The following CD58 variants were observed in gnomAD, a reference collection of about 807,000 sequenced individuals.
CD58 encodes the protein CD58 molecule.
CD58 carries 14 observed loss-of-function variants against 27.6 expected under a neutral mutation model. That is an observed-to-expected ratio of 0.51 (90% CI 0.34 to 0.79). The LOEUF (loss-of-function observed/expected upper bound fraction) is 0.79, where lower values mean the gene tolerates loss of function less well. Among genes scored for constraint, CD58 ranks in the 30% least tolerant of loss-of-function variants. The probability of loss-of-function intolerance (pLI) is 0.02; values close to 1 mark genes in which losing one functional copy is unlikely to be tolerated. For missense variants in CD58, 268 were observed against 301.7 expected (o/e 0.89, Z 0.83); for synonymous variants, 117 against 103.8 (o/e 1.13, Z -0.77).
chr1:116,548,006 A>G (rs1032667555), intron 1 of CD58, among the ~76,000 whole-genome samples: 4 of 152,200 alleles, frequency 2.6e-5, no homozygotes, highest in African/African-American at 9.7e-5. Flanking sequence ...TGCAGGAGTA[A>G]GGTGGTATTG....
intron 1 of CD58, among the ~76,000 whole-genome samples, chr1:116,556,093 T>C (rs1249888770): frequency 6.6e-6 from 1 of 151,738 alleles, no homozygotes; most frequent in Non-Finnish European, 1.5e-5. Flanking sequence ...CCGTCTCTAC[T>C]AAAAATACAA....
At chr1:116,553,932 C>T (rs1463721710) in intron 1 of CD58, among the ~76,000 whole-genome samples, 1 of 152,042 alleles carries the variant, frequency 6.6e-6, no homozygotes, top group African/African-American at 2.4e-5. Flanking sequence ...AACTCCAAGA[C>T]AAGAGTCAAC....
chr1:116,520,363 TCGACCTCTCAATGTGCTGGGA>T (rs1397582258), intron 4 of CD58, among the ~76,000 whole-genome samples: 1 of 152,072 alleles, frequency 6.6e-6, no homozygotes, highest in Non-Finnish European at 1.5e-5. Flanking sequence ...TGCACACAAC[TCGACCTCTCAATGTGCTGGGA>T]TTACAGGCAT....
chr1:116,561,420 A>AG (rs2101224130), intron 1 of CD58, among the ~76,000 whole-genome samples: 3 of 152,320 alleles, frequency 2.0e-5, no homozygotes, highest in South Asian at 2.1e-4. Context: ...GAGATTATGC[A>AG]AAAGTGTCTA....
At chr1:116,542,465 T>G (rs1190668831) in intron 2 of CD58, among the ~76,000 whole-genome samples, 3 of 152,172 alleles carry the variant, frequency 2.0e-5, no homozygotes, top group Non-Finnish European at 4.4e-5. Context: ...GCAGTGCAGA[T>G]GAAAGCCTAT....
intron 3 of CD58, among the ~76,000 whole-genome samples, chr1:116,535,526 A>G (rs1041151821): frequency 1.3e-5 from 2 of 152,226 alleles, no homozygotes; most frequent in African/African-American, 2.4e-5. Context: ...CTTTGTATCT[A>G]TAATGGGGTT....
chr1:116,527,890 G>C lies in CD58; in HGVS notation c.629-5907C>G, dbSNP rs1168552016. On this transcript the variant is annotated intron_variant, in intron 3 of 5. Transcript: ENST00000369489. The surrounding 1 kb of genome is among the most constrained non-coding windows in gnomAD (Gnocchi z 4.4). ...TGATCCTCCCACCTCAGTCTCCCAA[G>C]TAGCTAGGACTACAGACACATGCCA... 6.6e-6 allele frequency among the ~76,000 whole-genome samples: 1 copy of C among 152,142 alleles called. No individual in the cohort carries two copies. Among genetic ancestry groups the C allele is most frequent in the African/African-American group, 2.4e-5 (1 of 41,426 alleles).
intron 1 of CD58, among the ~76,000 whole-genome samples, chr1:116,549,664 T>C (rs1163260554): frequency 6.6e-6 from 1 of 152,214 alleles, no homozygotes; most frequent in Non-Finnish European, 1.5e-5. Context: ...CATATAAGTA[T>C]TTTTTCAGTC....
intron 3 of CD58, chr1:116,533,153 T>C (rs1393285163): frequency 9.3e-6 from 7 of 754,454 alleles, no homozygotes; most frequent in Admixed American, 1.8e-5. Flanking sequence ...CAGAGGCTAA[T>C]ACGAATTCAG....
intron 1 of CD58, among the ~76,000 whole-genome samples, chr1:116,565,369 G>A (rs1489458312): frequency 1.3e-5 from 2 of 152,164 alleles, no homozygotes; most frequent in Non-Finnish European, 2.9e-5. Context: ...AGGGTCCTGA[G>A]TAGTAGACCT....
chr1:116,518,753 TTA>T, intron 5 of CD58: 1 of 995,404 alleles, frequency 1.0e-6, no homozygotes, highest in African/African-American at 1.7e-5. Flanking sequence ...GTCCTATCTT[TTA>T]TATGTGACTA....
rs1296039047 is a variant in CD58 at position 116,535,607 on chromosome 1, C to T, written c.628+358G>A. Among the ~76,000 whole-genome samples the T allele has an allele frequency of 2.1e-5, 3 of 139,820 alleles. 1 individual carries two copies. Among genetic ancestry groups the T allele is most frequent in the South Asian group, 5.0e-4 (2 of 3,986 alleles). The allele number at this position is 139,820 out of a possible 152,430, so 91.7% of individuals were successfully genotyped here. A position where few individuals can be genotyped will look rare whatever the true frequency, so the allele number is the denominator to read the frequency against. On this transcript the variant is annotated intron_variant, in intron 3 of 5. Coordinates refer to ENST00000369489, the MANE Select transcript of CD58 (RefSeq NM_001779.3). ...CTGTAATCCCAGCACTTTGGGAGGC[C>T]GAGGCGGGCGGATCACGAGGTCAGG...
chr1:116,525,409 C>A (rs1240571277), intron 3 of CD58, among the ~76,000 whole-genome samples: 1 of 152,108 alleles, frequency 6.6e-6, no homozygotes, highest in East Asian at 1.9e-4. Flanking sequence ...TCTGTATGTA[C>A]CACAGTTTAT....
In CD58 at chr1:116,522,051, G is replaced by A. The variant is rs1657278396; in HGVS notation, c.629-68C>T. 1 of 820,582 alleles carries A rather than the reference G, an allele frequency of 1.2e-6. No homozygotes were observed. The highest frequency in any genetic ancestry group is 2.0e-6 in the Non-Finnish European group (1 of 503,502). 50.8% of individuals were successfully genotyped at this position (820,582 alleles called of 1,614,324 possible). A position where few individuals can be genotyped will look rare whatever the true frequency, so the allele number is the denominator to read the frequency against. On this transcript the variant is annotated intron_variant, in intron 3 of 5. Transcript: ENST00000369489. The surrounding 1 kb of genome is among the most constrained non-coding windows in gnomAD (Gnocchi z 4.6). ...TCAAAATGGATCCTCATTATTTGCA[G>A]ATTCCACCTTGCGGTTTGCTTATTT...
At chr1:116,530,800 G>C (rs1216033293) in intron 3 of CD58, among the ~76,000 whole-genome samples, 1 of 152,072 alleles carries the variant, frequency 6.6e-6, no homozygotes, top group Admixed American at 6.5e-5. Context: ...AAAGATCCTA[G>C]ACTGTTACTG....
rs1571088725 is a variant in CD58, at chr1:116,559,510, G to A, written c.70+11393C>T. Among the ~76,000 whole-genome samples, 1 of 152,080 alleles carries A rather than the reference G, an allele frequency of 6.6e-6. No homozygotes were observed. Among genetic ancestry groups the A allele is most frequent in the Non-Finnish European group, 1.5e-5 (1 of 68,018 alleles). ...TTCCTGATCGATTCCACCCTTAGCCGGTCCCAGTTAGTGACTTCTCTTATT... is the reference window on the plus strand; with the variant it reads ...TTCCTGATCGATTCCACCCTTAGCCAGTCCCAGTTAGTGACTTCTCTTATT... On this transcript the variant is annotated intron_variant, in intron 1 of 5. Coordinates refer to ENST00000369489, the MANE Select transcript of CD58 (RefSeq NM_001779.3). This position sits in a 1 kb window ranked among gnomAD's most constrained non-coding sequence, Gnocchi z 4.4.
At position 116,531,610 on chromosome 1, in the gene CD58, C is replaced by T. The variant is rs983716498; in HGVS notation, c.628+4355G>A. Among the ~76,000 whole-genome samples, 2 of 152,194 alleles carry T rather than the reference C, an allele frequency of 1.3e-5. No individual in the cohort carries two copies. Among genetic ancestry groups the T allele is most frequent in the Non-Finnish European group, 2.9e-5 (2 of 68,024 alleles). ...GCTTAACTATTTTAACTTTGCAGCTCGTTTTAAAAACTTCTTGCAATTGTG... is the reference window on the plus strand; with the variant it reads ...GCTTAACTATTTTAACTTTGCAGCTTGTTTTAAAAACTTCTTGCAATTGTG... On this transcript the variant is annotated intron_variant, in intron 3 of 5. Coordinates refer to ENST00000369489, the MANE Select transcript of CD58 (RefSeq NM_001779.3). This position sits in a 1 kb window ranked among gnomAD's most constrained non-coding sequence, Gnocchi z 4.5.
intron 2 of CD58, among the ~76,000 whole-genome samples, chr1:116,542,992 C>T (rs1348130005): frequency 2.0e-5 from 3 of 152,164 alleles, no homozygotes; most frequent in Admixed American, 6.5e-5. Flanking sequence ...GGTAAGTGAA[C>T]AGGCTAGGAA....
At chr1:116,562,772 A>G (rs1418618100) in intron 1 of CD58, among the ~76,000 whole-genome samples, 4 of 152,164 alleles carry the variant, frequency 2.6e-5, no homozygotes, top group Non-Finnish European at 5.9e-5. Flanking sequence ...TGCCCTCATG[A>G]TTCAATTATC....
Sources: allele counts gnomAD v4.1 joint callset (sites outside exome capture counted in the v4.1 genomes callset), GRCh38; gene constraint gnomAD v4.1.1; non-coding constraint Gnocchi (gnomAD v3.1); transcripts MANE v1.5; gene names NCBI Gene and HGNC (gene_info 2026-07-23, HGNC 2026-07-21).